Variants in FOXK1 observed in about 807,000 individuals in gnomAD.
FOXK1 encodes forkhead box protein K1.
Under a neutral mutation model 51.9 loss-of-function variants are expected in FOXK1, and 19 were observed. The ratio of observed to expected loss-of-function variants is 0.37; its 90% CI spans 0.26 to 0.54. The LOEUF is 0.54. Ranked by LOEUF, FOXK1 falls within the 20% of genes least tolerant of loss-of-function variation. FOXK1 has a pLI of 0.87. For missense variants in FOXK1, 870 were observed against 1,032.7 expected, an observed-to-expected ratio of 0.84 and a Z score of 2.16; for synonymous variants, 537 against 482.6, an observed-to-expected ratio of 1.11 and a Z score of -1.48.
intron 1 of FOXK1, among the ~76,000 whole-genome samples, chr7:4,700,197 T>C (rs980157845): frequency 2.0e-5 from 3 of 152,198 alleles, no homozygotes; most frequent in Non-Finnish European, 4.4e-5. Context: ...CACCTGAGTT[T>C]TGTTGGGGCA....
At chr7:4,750,281 G>C (rs757002005) in intron 2 of FOXK1, among the ~76,000 whole-genome samples, 1 of 152,096 alleles carries the variant, frequency 6.6e-6, no homozygotes, top group African/African-American at 2.4e-5. Flanking sequence ...ACTGGGGGGG[G>C]CCTGACCGAG....
chr7:4,704,231 A>C (rs1780054010), intron 1 of FOXK1, among the ~76,000 whole-genome samples: 1 of 152,160 alleles, frequency 6.6e-6, no homozygotes, highest in Non-Finnish European at 1.5e-5. Context: ...CAGGTGGATC[A>C]CTTGAGGTCA....
intron 1 of FOXK1, among the ~76,000 whole-genome samples, chr7:4,695,232 C>T (rs1779937575): frequency 6.6e-6 from 1 of 152,234 alleles, no homozygotes; most frequent in Non-Finnish European, 1.5e-5. Context: ...GAATATCCAC[C>T]TCCCTCGGGT....
chr7:4,694,183 G>A (rs187198204), intron 1 of FOXK1, among the ~76,000 whole-genome samples: 2 of 152,296 alleles, frequency 1.3e-5, no homozygotes, highest in Admixed American at 1.3e-4. Flanking sequence ...CACGCGCCCA[G>A]CCAGAATGTG....
In FOXK1 at chr7:4,703,474, C is replaced by T. The variant is rs1435243401; in HGVS notation, c.560+20606C>T. ...GCACAGGGCAGGGTCCTGGTGTCCT[C>T]GCCCCACAAGGCTCCCCCAGGGTGG... is the stretch of plus-strand genomic sequence containing the variant. On this transcript the variant is annotated intron_variant, in intron 1 of 8. Transcript: ENST00000328914. The surrounding 1 kb of genome is among the most constrained non-coding windows in gnomAD (Gnocchi z 5.6). Among the ~76,000 whole-genome samples the T allele has an allele frequency of 6.6e-6, 1 of 152,162 alleles. No homozygotes were observed. The highest frequency in any genetic ancestry group is 1.5e-5 in the Non-Finnish European group (1 of 68,024).
intron 1 of FOXK1, among the ~76,000 whole-genome samples, chr7:4,712,777 G>GT (rs1333437988): frequency 6.6e-6 from 1 of 152,148 alleles, no homozygotes; most frequent in African/African-American, 2.4e-5. Context: ...GTTCAAATCC[G>GT]TTTATGATTA....
intron 1 of FOXK1, among the ~76,000 whole-genome samples, chr7:4,721,322 CTGT>C (rs1780306289): frequency 1.3e-5 from 2 of 152,182 alleles, no homozygotes; most frequent in Non-Finnish European, 2.9e-5. Flanking sequence ...CGGCCTAGCC[CTGT>C]GTCGCTGCAG....
At chr7:4,685,765 A>G (rs901973000) in intron 1 of FOXK1, among the ~76,000 whole-genome samples, 12 of 151,922 alleles carry the variant, frequency 7.9e-5, no homozygotes, top group African/African-American at 2.7e-4. Flanking sequence ...CAATGTGGCA[A>G]AACCCTGTCT....
Position 4,715,429 on chromosome 7 carries a change from C to G in FOXK1, c.561-25409C>G, listed in dbSNP as rs1211433193. Among the ~76,000 whole-genome samples, 2 of 152,118 alleles carry G rather than the reference C, an allele frequency of 1.3e-5. No individual in the cohort carries two copies. The highest frequency in any genetic ancestry group is 2.9e-5 in the Non-Finnish European group (2 of 68,038). The stretch of plus-strand genomic sequence containing the variant: ...TGGTCCAGATCGTCTGTGCACCCAT[C>G]CTTGCCCTGCCTCCCTCCTTCTAGG... On this transcript the variant is annotated intron_variant, in intron 1 of 8. Coordinates refer to ENST00000328914, the MANE Select transcript of FOXK1 (RefSeq NM_001037165.2). The surrounding 1 kb of genome is among the most constrained non-coding windows in gnomAD (Gnocchi z 4.5).
Position 4,762,607 on chromosome 7 carries a change from C to A in FOXK1, c.*143C>A. The stretch of plus-strand genomic sequence containing the variant: ...ATCGGCGGCACCTGGACACACCCAG[C>A]CCTTTCCATTTGATCGCCTGCCTTC... On this transcript the variant is annotated 3_prime_UTR_variant, in exon 9 of 9. Coordinates refer to ENST00000328914, the MANE Select transcript of FOXK1 (RefSeq NM_001037165.2). This position sits in a 1 kb window ranked among gnomAD's most constrained non-coding sequence, Gnocchi z 5.7. 1.3e-6 allele frequency: 1 copy of A among 740,800 alleles called. No homozygotes were observed. Among genetic ancestry groups the A allele is most frequent in the Non-Finnish European group, 2.1e-6 (1 of 466,392 alleles). The allele number at this position is 740,800 out of a possible 1,614,324, so 45.9% of individuals were successfully genotyped here. A position where few individuals can be genotyped will look rare whatever the true frequency, so the allele number is the denominator to read the frequency against.
At chr7:4,737,340 G>C (rs1182271756) in intron 1 of FOXK1, among the ~76,000 whole-genome samples, 1 of 152,240 alleles carries the variant, frequency 6.6e-6, no homozygotes, top group Non-Finnish European at 1.5e-5. Context: ...CTGGAGAAAA[G>C]AGACAAATGG....
At chr7:4,697,006 T>A (rs535768183) in intron 1 of FOXK1, among the ~76,000 whole-genome samples, 1 of 152,174 alleles carries the variant, frequency 6.6e-6, no homozygotes, top group East Asian at 1.9e-4. Flanking sequence ...AGGCGGAGGT[T>A]GCAGTGAGCC....
rs570538344 is a variant in FOXK1 at position 4,737,546 on chromosome 7, G to A, written c.561-3292G>A. ...CATGTGTGCATTCATGCACGTGTGT[G>A]CGTGCCTGTGTGTGTGTGTGTGTGT... On this transcript the variant is annotated intron_variant, in intron 1 of 8. Coordinates refer to ENST00000328914, the MANE Select transcript of FOXK1 (RefSeq NM_001037165.2). Among the ~76,000 whole-genome samples the A allele has an allele frequency of 1.2e-3, 153 of 125,014 alleles. 2 individuals carry two copies. Among genetic ancestry groups the A allele is most frequent in the African/African-American group, 5.0e-3 (152 of 30,346 alleles). The allele number at this position is 125,014 out of a possible 152,430, so 82.0% of individuals were successfully genotyped here. A position where few individuals can be genotyped will look rare whatever the true frequency, so the allele number is the denominator to read the frequency against.
chr7:4,728,372 G>A (rs966817023), intron 1 of FOXK1, among the ~76,000 whole-genome samples: 3 of 152,214 alleles, frequency 2.0e-5, no homozygotes, highest in African/African-American at 7.2e-5. Flanking sequence ...GTCCGGCTGC[G>A]GCTGTGCTGC....
In FOXK1 at chr7:4,749,663, G is replaced by A. The variant is rs959674418; in HGVS notation, c.747-4796G>A. ...GAGCACTGTCCTCCCTGGGCCTGCCGGAAGCGATAACTGTCCCGACCCTAG... is the reference window on the plus strand; with the variant it reads ...GAGCACTGTCCTCCCTGGGCCTGCCAGAAGCGATAACTGTCCCGACCCTAG... On this transcript the variant is annotated intron_variant, in intron 2 of 8. Coordinates refer to ENST00000328914, the MANE Select transcript of FOXK1 (RefSeq NM_001037165.2). The surrounding 1 kb of genome is among the most constrained non-coding windows in gnomAD (Gnocchi z 6.0). Among the ~76,000 whole-genome samples the A allele has an allele frequency of 1.4e-4, 21 of 152,180 alleles. No individual in the cohort carries two copies. Among genetic ancestry groups the A allele is most frequent in the African/African-American group, 1.2e-4 (5 of 41,440 alleles).
chr7:4,737,331 T>C (rs1222686752), intron 1 of FOXK1, among the ~76,000 whole-genome samples: 1 of 152,186 alleles, frequency 6.6e-6, no homozygotes, highest in Non-Finnish European at 1.5e-5. Flanking sequence ...TTGAGGGAAC[T>C]GGAGAAAAGA....
chr7:4,688,739 C>T (rs1389635894), intron 1 of FOXK1, among the ~76,000 whole-genome samples: 1 of 152,150 alleles, frequency 6.6e-6, no homozygotes, highest in Non-Finnish European at 1.5e-5. Flanking sequence ...CCTGCCTTTA[C>T]AGATTGGATT....
intron 1 of FOXK1, among the ~76,000 whole-genome samples, chr7:4,737,021 G>C (rs748354832): frequency 3.3e-5 from 5 of 152,226 alleles, no homozygotes; most frequent in African/African-American, 4.8e-5. Context: ...TCAGGTGCCA[G>C]TCCAGAGGGG....
chr7:4,698,072 G>T (rs1779975863), intron 1 of FOXK1, among the ~76,000 whole-genome samples: 1 of 151,996 alleles, frequency 6.6e-6, no homozygotes, highest in African/African-American at 2.4e-5. Context: ...TGATCCTCCT[G>T]CCTTGGCCTC....
Sources: gnomAD v4.1 joint callset for allele counts (sites outside exome capture counted in the v4.1 genomes callset) on GRCh38, gnomAD v4.1.1 for gene constraint, Gnocchi (gnomAD v3.1) non-coding constraint, MANE v1.5 for transcripts, NCBI Gene and HGNC (gene_info 2026-07-23, HGNC 2026-07-21) for gene names.